Variants in IL1RAPL2 observed in about 807,000 individuals in gnomAD.
IL1RAPL2 encodes interleukin 1 receptor accessory protein like 2, also known as X-linked interleukin-1 receptor accessory protein-like 2.
Under a neutral mutation model 44.1 loss-of-function variants are expected in IL1RAPL2, and 3 were observed. That is an observed-to-expected ratio of 0.07 (90% CI 0.03 to 0.18). The LOEUF (loss-of-function observed/expected upper bound fraction) is 0.18, where lower values mean the gene tolerates loss of function less well. Among genes scored for constraint, IL1RAPL2 ranks in the 10% least tolerant of loss-of-function variants. IL1RAPL2 has a pLI of 1.00. For synonymous variants in IL1RAPL2, 181 were observed against 178.8 expected (o/e 1.01, Z -0.10); for missense variants, 391 against 496.4 (o/e 0.79, Z 2.02).
intron 2 of IL1RAPL2, among the ~76,000 whole-genome samples, chrX:105,068,011 A>T (rs1005854540): frequency 1.8e-5 from 2 of 112,463 alleles, no homozygotes; most frequent in Non-Finnish European, 3.7e-5. Flanking sequence ...TAGGCTCTCC[A>T]GTAAAACTTC....
chrX:105,194,254 A>G (rs1005740089), intron 2 of IL1RAPL2, among the ~76,000 whole-genome samples: 1 of 111,847 alleles, frequency 8.9e-6, no homozygotes, highest in Non-Finnish European at 1.9e-5. Context: ...TAAAAGATTA[A>G]ACACGCTGGG....
chrX:105,084,094 C>T (rs761418129), intron 2 of IL1RAPL2, among the ~76,000 whole-genome samples: 5 of 112,502 alleles, frequency 4.4e-5, no homozygotes, highest in Non-Finnish European at 7.5e-5. Context: ...TATGGAAACA[C>T]TTGGATATCC....
At chrX:105,320,981 T>C (rs1395685611) in intron 5 of IL1RAPL2, among the ~76,000 whole-genome samples, 4 of 111,281 alleles carry the variant, frequency 3.6e-5, no homozygotes, top group Non-Finnish European at 7.5e-5. Flanking sequence ...TGTAGCCCCA[T>C]CCCTCAAGGA....
chrX:105,007,838 A>G (rs1479216519), intron 2 of IL1RAPL2, among the ~76,000 whole-genome samples: 1 of 114,339 alleles, frequency 8.7e-6, no homozygotes, highest in Non-Finnish European at 1.9e-5. Context: ...GAGATCAGAA[A>G]TGATCCAGAA....
At chrX:105,632,031 T>C (rs1342199252) in intron 6 of IL1RAPL2, among the ~76,000 whole-genome samples, 1 of 110,207 alleles carries the variant, frequency 9.1e-6, no homozygotes, top group Non-Finnish European at 1.9e-5. Flanking sequence ...TCCCTTACTC[T>C]CCCCAGTCCT....
At chrX:105,040,906 CT>C (rs1333290918) in intron 2 of IL1RAPL2, among the ~76,000 whole-genome samples, 1 of 99,400 alleles carries the variant, frequency 1.0e-5, no homozygotes, top group African/African-American at 4.0e-5. Context: ...TTAGTTATTT[CT>C]TGCCTTCTGC....
rs758818594 is a variant in IL1RAPL2, at chrX:104,886,826, G to T, written c.82+227831G>T. 2.2e-4 allele frequency among the ~76,000 whole-genome samples: 25 copies of T among 111,889 alleles called. No homozygotes were observed. The Middle Eastern group carries it at 0.014, about 62-fold the overall frequency. ...GGGATAGCCCTCATCCGTTTGGTCA[G>T]GCACTGGCCCAGGATCTAGGCCACT... On this transcript the variant is annotated intron_variant, in intron 2 of 10. Transcript: ENST00000372582.
At chrX:105,167,833 T>C (rs2033384617) in intron 2 of IL1RAPL2, among the ~76,000 whole-genome samples, 2 of 110,790 alleles carry the variant, frequency 1.8e-5, no homozygotes, top group Admixed American at 9.6e-5. Context: ...AGAGTATTTG[T>C]AGGTGCCAAG....
intron 2 of IL1RAPL2, among the ~76,000 whole-genome samples, chrX:104,904,532 T>C (rs1486941137): frequency 1.0e-5 from 1 of 99,864 alleles, no homozygotes; most frequent in African/African-American, 3.7e-5. Flanking sequence ...AATTCCCATC[T>C]ATGAGTGAGA....
intron 2 of IL1RAPL2, among the ~76,000 whole-genome samples, chrX:105,067,405 C>T (rs1309533779): frequency 9.0e-6 from 1 of 111,406 alleles, no homozygotes; most frequent in African/African-American, 3.3e-5. Flanking sequence ...GACTGAAAAA[C>T]CCCTGGCTCA....
At chrX:104,868,359 C>G (rs935445158) in intron 2 of IL1RAPL2, among the ~76,000 whole-genome samples, 4 of 112,016 alleles carry the variant, frequency 3.6e-5, no homozygotes, top group African/African-American at 1.3e-4. Flanking sequence ...ATTAACTCTT[C>G]TGATGGGATA....
chrX:105,016,415 G>C (rs180985607), intron 2 of IL1RAPL2, among the ~76,000 whole-genome samples: 18 of 111,326 alleles, frequency 1.6e-4, no homozygotes, highest in Admixed American at 3.8e-4. Context: ...AATGCTTCCA[G>C]TTTTTGCCCA....
At chrX:105,631,095 T>G (rs1343869487) in intron 6 of IL1RAPL2, among the ~76,000 whole-genome samples, 1 of 111,356 alleles carries the variant, frequency 9.0e-6, no homozygotes, top group Non-Finnish European at 1.9e-5. Context: ...AATGTGAATC[T>G]CCAGAAAATC....
intron 2 of IL1RAPL2, among the ~76,000 whole-genome samples, chrX:104,943,254 G>GT (rs756132035): frequency 9.0e-6 from 1 of 110,825 alleles, no homozygotes; most frequent in South Asian, 3.9e-4. Flanking sequence ...ATCTTACCCA[G>GT]TTTCATGGTT....
At chrX:104,688,338 T>C (rs1019675117) in intron 2 of IL1RAPL2, among the ~76,000 whole-genome samples, 11 of 111,766 alleles carry the variant, frequency 9.8e-5, no homozygotes, top group African/African-American at 3.6e-4. Context: ...GGGCCTTTGA[T>C]ATGTTAACAT....
chrX:105,448,198 T>C (rs112504216), intron 5 of IL1RAPL2, among the ~76,000 whole-genome samples: 2,011 of 108,455 alleles, frequency 0.019, 57 homozygotes, highest in African/African-American at 0.064. Context: ...AGTTTAATTA[T>C]TAAATTCCTG....
rs1477798492 is a variant in IL1RAPL2 at position 105,632,176 on chromosome X, T to C, written c.773-85191T>C. Among the ~76,000 whole-genome samples the C allele has an allele frequency of 3.2e-4, 36 of 111,232 alleles. No individual in the cohort carries two copies. In the Admixed American group the frequency reaches 3.5e-3, roughly 11 times the overall value. ...GACCCTGACCTTCAGGATGGTCCCA[T>C]GTGATCCTCATAAACTCTCTGAGAT... is the stretch of plus-strand genomic sequence containing the variant. On this transcript the variant is annotated intron_variant, in intron 6 of 10. Coordinates refer to ENST00000372582, the MANE Select transcript of IL1RAPL2 (RefSeq NM_017416.2).
intron 6 of IL1RAPL2, among the ~76,000 whole-genome samples, chrX:105,710,824 T>C (rs750713310): frequency 9.2e-6 from 1 of 108,908 alleles, no homozygotes; most frequent in South Asian, 4.0e-4. Flanking sequence ...TTGGTATTTT[T>C]ACCAGTACAA....
chrX:105,392,860 ACC>A (rs2035536533), intron 5 of IL1RAPL2, among the ~76,000 whole-genome samples: 1 of 111,691 alleles, frequency 9.0e-6, no homozygotes, highest in Non-Finnish European at 1.9e-5. Flanking sequence ...TCTTTAATAG[ACC>A]CCCTTTTCAG....
Sources: allele counts gnomAD v4.1 joint callset (sites outside exome capture counted in the v4.1 genomes callset), GRCh38; gene constraint gnomAD v4.1.1; transcripts MANE v1.5; gene names NCBI Gene and HGNC (gene_info 2026-07-23, HGNC 2026-07-21).